CACNA1C: variants seen among roughly 807,000 people sequenced by gnomAD.
The protein encoded by CACNA1C is voltage-dependent L-type calcium channel subunit alpha-1C.
A neutral mutation model predicts 229.0 loss-of-function variants in CACNA1C; 30 were observed. The ratio of observed to expected loss-of-function variants is 0.13; its 90% CI spans 0.10 to 0.18. The LOEUF is 0.18. CACNA1C is among the 10% of genes least tolerant of loss of function. CACNA1C has a pLI of 1.00. For missense variants in CACNA1C, 1,658 were observed against 2,845.0 expected, an observed-to-expected ratio of 0.58 and a Z score of 9.49; for synonymous variants, 1,114 against 1,132.5, an observed-to-expected ratio of 0.98 and a Z score of 0.33.
At chr12:2,419,751 A>G (rs958655876) in intron 3 of CACNA1C, among the ~76,000 whole-genome samples, 1 of 152,170 alleles carries the variant, frequency 6.6e-6, no homozygotes, top group African/African-American at 2.4e-5. Context: ...TGGTTGCAGC[A>G]ATAAAGAAGA....
intron 3 of CACNA1C, among the ~76,000 whole-genome samples, chr12:2,370,197 T>C (rs937480146): frequency 2.0e-5 from 3 of 152,132 alleles, no homozygotes; most frequent in African/African-American, 7.2e-5. Flanking sequence ...GTAACACAGA[T>C]TAAAAAAATA....
chr12:2,180,038 C>T (rs887373387), intron 3 of CACNA1C, among the ~76,000 whole-genome samples: 2 of 152,246 alleles, frequency 1.3e-5, no homozygotes, highest in East Asian at 3.8e-4. Flanking sequence ...CCAACTGCCT[C>T]CTGAGCAGCC....
At chr12:2,270,418 C>G (rs548561746) in intron 3 of CACNA1C, among the ~76,000 whole-genome samples, 120 of 152,316 alleles carry the variant, frequency 7.9e-4, no homozygotes, top group Non-Finnish European at 1.4e-3. Flanking sequence ...ACCTGGAGTG[C>G]CTTACACTTT....
chr12:2,488,820 T>C lies in CACNA1C; in HGVS notation c.916+2558T>C, dbSNP rs2099706774. Among the ~76,000 whole-genome samples, 1 of 152,198 alleles carries C rather than the reference T, an allele frequency of 6.6e-6. No homozygotes were observed. The highest frequency in any genetic ancestry group is 1.5e-5 in the Non-Finnish European group (1 of 68,034). Reference sequence around the variant, plus strand: ...AGCTGCAGAAGCCTGTCCTCTCAAATACTCTGCAATCAGGAGCTTGCTGTC... The same window carrying C: ...AGCTGCAGAAGCCTGTCCTCTCAAACACTCTGCAATCAGGAGCTTGCTGTC... On this transcript the variant is annotated intron_variant, in intron 6 of 46. Coordinates refer to ENST00000399655, the MANE Select transcript of CACNA1C (RefSeq NM_000719.7). This position sits in a 1 kb window ranked among gnomAD's most constrained non-coding sequence, Gnocchi z 4.0.
intron 3 of CACNA1C, among the ~76,000 whole-genome samples, chr12:2,121,331 A>G (rs1236698908): frequency 2.0e-5 from 3 of 152,236 alleles, no homozygotes; most frequent in Non-Finnish European, 4.4e-5. Context: ...AGAAGCAGGC[A>G]GCTTATAGGA....
intron 3 of CACNA1C, among the ~76,000 whole-genome samples, chr12:2,307,509 G>C (rs1284356364): frequency 6.6e-6 from 1 of 152,080 alleles, no homozygotes; most frequent in Admixed American, 6.6e-5. Flanking sequence ...CTCTGCAAAG[G>C]GTGCTGGGGC....
At chr12:2,655,276 C>CA (rs2095353800) in intron 34 of CACNA1C, 38 bp downstream of exon 34, 4 of 1,262,144 alleles carry the variant, frequency 3.2e-6, no homozygotes, top group Admixed American at 1.7e-5. Flanking sequence ...GATACACACA[C>CA]ACCTGCATGG....
In CACNA1C at chr12:2,449,309, G is replaced by A. The variant is rs4765933; in HGVS notation, c.617+194G>A. On this transcript the variant is annotated intron_variant, in intron 4 of 46. Coordinates refer to ENST00000399655, the MANE Select transcript of CACNA1C (RefSeq NM_000719.7). Reference sequence around the variant, plus strand: ...AAGAGAGACTCAGCAAAGTGAGAGAGTGCGCTTCCTGCCCATGGGCTTCCC... The same window carrying A: ...AAGAGAGACTCAGCAAAGTGAGAGAATGCGCTTCCTGCCCATGGGCTTCCC... 0.27 allele frequency among the ~76,000 whole-genome samples: 41,094 copies of A among 152,086 alleles called. 5,699 individuals carry two copies. Among genetic ancestry groups the A allele is most frequent in the African/African-American group, 0.32 (13,419 of 41,472 alleles).
intron 3 of CACNA1C, among the ~76,000 whole-genome samples, chr12:2,402,370 C>T (rs912617756): frequency 3.3e-5 from 5 of 152,242 alleles, no homozygotes; most frequent in African/African-American, 7.2e-5. Flanking sequence ...GGGACACCTC[C>T]GTGTGCTTCC....
chr12:2,052,805 CCGCCGTGCGCCCCG>C (rs1274587159), upstream of CACNA1C, among the ~76,000 whole-genome samples: 15 of 145,394 alleles, frequency 1.0e-4, no homozygotes, highest in East Asian at 1.6e-3. Context: ...CTCCAGTCCG[CCGCCGTGCGCCCCG>C]CGCCGTGCGC....
chr12:1,995,517 G>A (rs2040584885), intron 1 of CACNA1C, among the ~76,000 whole-genome samples: 1 of 152,232 alleles, frequency 6.6e-6, no homozygotes, highest in South Asian at 2.1e-4. Flanking sequence ...CTGCTCTTCT[G>A]AGACTGTGAA....
intron 7 of CACNA1C, among the ~76,000 whole-genome samples, chr12:2,499,580 G>T (rs942337128): frequency 6.6e-6 from 1 of 152,204 alleles, no homozygotes; most frequent in South Asian, 2.1e-4. Context: ...GTTGCCGAAA[G>T]GTCTTTGATA....
At chr12:2,494,542 C>G (rs1273687541) in intron 7 of CACNA1C, among the ~76,000 whole-genome samples, 1 of 152,194 alleles carries the variant, frequency 6.6e-6, no homozygotes, top group Non-Finnish European at 1.5e-5. Flanking sequence ...AATCTAAGAG[C>G]CTGCTCAGGG....
At chr12:2,141,362 C>T (rs551700916) in intron 3 of CACNA1C, among the ~76,000 whole-genome samples, 22 of 151,264 alleles carry the variant, frequency 1.5e-4, no homozygotes, top group African/African-American at 5.3e-4. Context: ...ATGTGGTTGC[C>T]AGAGGGCCTG....
Position 2,067,674 on chromosome 12 carries a change from G to A in CACNA1C, c.49+14063G>A, listed in dbSNP as rs895797628. On this transcript the variant is annotated intron_variant, in intron 1 of 46. Coordinates refer to ENST00000399655, the MANE Select transcript of CACNA1C (RefSeq NM_000719.7). The surrounding 1 kb of genome is among the most constrained non-coding windows in gnomAD (Gnocchi z 5.3). ...GATGGGAGGACTGGTGGAGGTGGAC[G>A]TCAGACACCAGGCTTCCCACAGACT... Among the ~76,000 whole-genome samples the A allele has an allele frequency of 9.2e-5, 14 of 152,224 alleles. No homozygotes were observed. The highest frequency in any genetic ancestry group is 1.9e-4 in the East Asian group (1 of 5,172).
rs754820870 is a variant in CACNA1C at position 2,581,800 on chromosome 12, A to G, written c.2103+3A>G. ...AGTCCCTCCTCACTGTGTTTCAGGT[A>G]TGGACTCTTCTCTGCTGGGATTCGG... On this transcript the variant is annotated splice_donor_region_variant and intron_variant, in intron 14 of 46. Transcript: ENST00000399655. 2.5e-6 allele frequency: 4 copies of G among 1,569,380 alleles called. No individual in the cohort carries two copies. In the South Asian group the frequency reaches 4.4e-5, roughly 17 times the overall value.
chr12:2,545,255 T>A (rs896074553), intron 9 of CACNA1C, among the ~76,000 whole-genome samples: 1 of 150,034 alleles, frequency 6.7e-6, no homozygotes, highest in Non-Finnish European at 1.5e-5. Context: ...CACCCACTTA[T>A]CAAGCTTTTT....
intron 1 of CACNA1C, among the ~76,000 whole-genome samples, chr12:1,984,783 A>G (rs1308559332): frequency 6.6e-6 from 1 of 150,758 alleles, no homozygotes; most frequent in Non-Finnish European, 1.5e-5. Flanking sequence ...TCTGGTAAAA[A>G]AAAAAAAAAA....
At chr12:2,380,148 G>A (rs4765676) in intron 3 of CACNA1C, among the ~76,000 whole-genome samples, 56,881 of 151,682 alleles carry the variant, frequency 0.38, 10,804 homozygotes, top group Non-Finnish European at 0.39. Context: ...CTCTGCCCAA[G>A]TGGCTGGGTG....
Sources: gnomAD v4.1 joint callset for allele counts (sites outside exome capture counted in the v4.1 genomes callset) on GRCh38, gnomAD v4.1.1 for gene constraint, Gnocchi (gnomAD v3.1) non-coding constraint, MANE v1.5 for transcripts, NCBI Gene and HGNC (gene_info 2026-07-23, HGNC 2026-07-21) for gene names.